The following CSNK1G2 variants were observed in gnomAD, a reference collection of about 807,000 sequenced individuals.
The protein encoded by CSNK1G2 is casein kinase I isoform gamma-2.
CSNK1G2 carries 11 observed loss-of-function variants against 48.0 expected under a neutral mutation model. The observed-to-expected ratio is 0.23, with a 90% CI of 0.14 to 0.38. The LOEUF is 0.38. Among genes scored for constraint, CSNK1G2 ranks in the 10% least tolerant of loss-of-function variants. The pLI is 1.00. For synonymous variants in CSNK1G2, 337 were observed against 254.1 expected (o/e 1.33, Z -3.10); for missense variants, 446 against 595.5 (o/e 0.75, Z 2.61).
Position 1,981,175 on chromosome 19 carries a change from CG to C in CSNK1G2, c.*975del, listed in dbSNP as rs1386959935. 1 of 152,280 alleles carries C rather than the reference CG, an allele frequency of 6.6e-6. No homozygotes were observed. Among genetic ancestry groups the C allele is most frequent in the Non-Finnish European group, 1.5e-5 (1 of 68,118 alleles). 9.4% of individuals were successfully genotyped at this position (152,280 alleles called of 1,614,324 possible). On this transcript the variant is annotated 3_prime_UTR_variant, in exon 12 of 12. Coordinates refer to ENST00000255641, the MANE Select transcript of CSNK1G2 (RefSeq NM_001319.7). ...CCCAGTGGGGTGCCCTGGAGGCTGC[CG>C]GGCAGAGTGGAGCAGCTTGGGGCCG...
At chr19:1,959,611 CCCAG>C (rs2015124623) in intron 1 of CSNK1G2, among the ~76,000 whole-genome samples, 1 of 123,344 alleles carries the variant, frequency 8.1e-6, no homozygotes, top group African/African-American at 3.5e-5. Flanking sequence ...CCCTGAGTCC[CCCAG>C]CACCCGTGCC....
chr19:1,962,077 C>A (rs1207301067), intron 1 of CSNK1G2, among the ~76,000 whole-genome samples: 1 of 152,212 alleles, frequency 6.6e-6, no homozygotes, highest in East Asian at 1.9e-4. Context: ...CGCCTGTAAT[C>A]CCAACACTTT....
chr19:1,979,929 G>T lies in CSNK1G2; in HGVS notation c.1105G>T (p.Gly369Trp). 1 of 1,605,894 alleles carries T rather than the reference G, an allele frequency of 6.2e-7. No individual in the cohort carries two copies. The highest frequency in any genetic ancestry group is 2.2e-5 in the East Asian group (1 of 44,730). ...CCACCAGGCGTTGAACTCCACCAAC[G>T]GGGAGCTGAATGCGGACGACCCCAC... is the stretch of plus-strand genomic sequence containing the variant. ...SKNQALNSTNGELNADDPTAG... is the reference protein window; with the variant it reads ...SKNQALNSTNWELNADDPTAG... Residue 369 changes from glycine (G) to tryptophan (W), a missense_variant, in exon 11 of 12, where the codon GGG becomes TGG. By Grantham distance (184) the Gly-to-Trp change is radical (BLOSUM62 -2). Around this residue, in one of 2 missense-constraint regions of CSNK1G2, gnomAD observed 188 missense variants for 179.6 expected, o/e 1.05. Coordinates refer to ENST00000255641, the MANE Select transcript of CSNK1G2 (RefSeq NM_001319.7).
intron 2 of CSNK1G2, among the ~76,000 whole-genome samples, chr19:1,976,514 G>T (rs1311679348): frequency 6.6e-6 from 1 of 152,252 alleles, no homozygotes; most frequent in Non-Finnish European, 1.5e-5. Flanking sequence ...CGATTCCTGT[G>T]CTGCAAGGCA....
rs1399088599 is a variant in CSNK1G2, at chr19:1,957,845, C to T, written c.-265-11663C>T. ...GTTTGTGGGGTGGGAGCTAGGCGGG[C>T]GCCGTTTATGTGGGGTGGGCGCTCG... On this transcript the variant is annotated intron_variant, in intron 1 of 11. Transcript: ENST00000255641. This position sits in a 1 kb window ranked among gnomAD's most constrained non-coding sequence, Gnocchi z 5.4. 6.6e-6 allele frequency among the ~76,000 whole-genome samples: 1 copy of T among 150,808 alleles called. No individual in the cohort carries two copies. Among genetic ancestry groups the T allele is most frequent in the African/African-American group, 2.4e-5 (1 of 40,958 alleles).
chr19:1,945,845 G>T (rs2014535630), intron 1 of CSNK1G2, among the ~76,000 whole-genome samples: 1 of 149,734 alleles, frequency 6.7e-6, no homozygotes, highest in Admixed American at 6.7e-5. Context: ...AAAAAAGCTG[G>T]TTCTCCCTTG....
chr19:1,961,435 C>T lies in CSNK1G2; in HGVS notation c.-265-8073C>T, dbSNP rs187365301. Among the ~76,000 whole-genome samples the T allele has an allele frequency of 1.1e-3, 165 of 152,346 alleles. 1 individual carries two copies. Among genetic ancestry groups the T allele is most frequent in the Non-Finnish European group, 1.6e-3 (110 of 68,016 alleles). On this transcript the variant is annotated intron_variant, in intron 1 of 11. Transcript: ENST00000255641. ...GTCTCCAGCCCATGCTGAGGAGCCT[C>T]GCAGGCAGGGCCCAGCAGCCTATAC...
Position 1,979,769 on chromosome 19 carries a change from C to A in CSNK1G2, c.1020C>A (p.Thr340=). Reference sequence around the variant, plus strand: ...ACCCACAGCCGACCCCCATCGGCACCGTCCACACCGACCTGCCCTCCCAGC... The same window carrying A: ...ACCCACAGCCGACCCCCATCGGCACAGTCCACACCGACCTGCCCTCCCAGC... The part of the protein sequence containing the change: ...AGKPLPTPIG[T]VHTDLPSQPQ... The change falls in exon 10 of 12, where the codon ACC becomes ACA. Residue 340 remains threonine (T), a synonymous_variant. Transcript: ENST00000255641. 6.2e-7 allele frequency: 1 copy of A among 1,606,464 alleles called. No individual in the cohort carries two copies. The highest frequency in any genetic ancestry group is 8.5e-7 in the Non-Finnish European group (1 of 1,179,078).
At position 1,976,711 on chromosome 19, in the gene CSNK1G2, G is replaced by A. The variant is rs956032341; in HGVS notation, c.188-1594G>A. Reference sequence around the variant, plus strand: ...CCTGCCAGTCCAGCTGCAGCAGGGCGGAACAAAGTGGAGGCCTCTTTCTTG... The same window carrying A: ...CCTGCCAGTCCAGCTGCAGCAGGGCAGAACAAAGTGGAGGCCTCTTTCTTG... On this transcript the variant is annotated intron_variant, in intron 2 of 11. Coordinates refer to ENST00000255641, the MANE Select transcript of CSNK1G2 (RefSeq NM_001319.7). Among the ~76,000 whole-genome samples, 11 of 151,676 alleles carry A rather than the reference G, an allele frequency of 7.3e-5. No homozygotes were observed. In the East Asian group the frequency reaches 7.8e-4, roughly 11 times the overall value.
chr19:1,958,442 C>G (rs557493610), intron 1 of CSNK1G2, among the ~76,000 whole-genome samples: 162 of 146,874 alleles, frequency 1.1e-3, no homozygotes, highest in Non-Finnish European at 1.8e-3. Flanking sequence ...AGGCACTGTC[C>G]CCTGTCCCCC....
At chr19:1,968,456 C>G (rs967148967) in intron 1 of CSNK1G2, among the ~76,000 whole-genome samples, 6 of 152,206 alleles carry the variant, frequency 3.9e-5, no homozygotes, top group African/African-American at 1.4e-4. Context: ...TCCATGCCAG[C>G]CGGGGCTGGC....
At chr19:1,972,309 C>T (rs1299211499) in intron 2 of CSNK1G2, among the ~76,000 whole-genome samples, 1 of 152,332 alleles carries the variant, frequency 6.6e-6, no homozygotes, top group East Asian at 1.9e-4. Flanking sequence ...GCACTGGGCT[C>T]CTCGAGCACT....
chr19:1,949,125 A>G (rs963289515), intron 1 of CSNK1G2, among the ~76,000 whole-genome samples: 1 of 152,090 alleles, frequency 6.6e-6, no homozygotes, highest in African/African-American at 2.4e-5. Context: ...TGGACCTGTC[A>G]GTTCAAACCT....
chr19:1,955,593 C>T (rs1017236151), intron 1 of CSNK1G2, among the ~76,000 whole-genome samples: 4 of 148,482 alleles, frequency 2.7e-5, no homozygotes, highest in Admixed American at 6.6e-5. Flanking sequence ...GGGGCTTCTC[C>T]GTCCATGTCA....
intron 1 of CSNK1G2, among the ~76,000 whole-genome samples, chr19:1,963,046 G>GGCTCAATGAGACACTCCAA (rs1436907221): frequency 1.3e-5 from 2 of 152,058 alleles, no homozygotes; most frequent in Non-Finnish European, 2.9e-5. Flanking sequence ...CAGGACGCCA[G>GGCTCAATGAGACACTCCAA]GCTCAATGAG....
In CSNK1G2 at chr19:1,979,517, C is replaced by G. The variant is rs550989112; in HGVS notation, c.876C>G (p.Arg292=). The change falls in exon 9 of 12, where the codon CGC becomes CGG. Residue 292 remains arginine, a synonymous_variant. Coordinates refer to ENST00000255641, the MANE Select transcript of CSNK1G2 (RefSeq NM_001319.7). ...CAGAGGAGATGGCCACGTACCTGCG[C>G]TATGTGCGGCGCCTGGACTTCTTCG... The part of the protein sequence containing the change: ...NFPEEMATYL[R]YVRRLDFFEK... 5 of 1,599,944 alleles carry G rather than the reference C, an allele frequency of 3.1e-6. No individual in the cohort carries two copies. In the South Asian group the frequency reaches 4.4e-5, roughly 14 times the overall value.
At chr19:1,962,837 C>T (rs79552755) in intron 1 of CSNK1G2, among the ~76,000 whole-genome samples, 11,562 of 152,116 alleles carry the variant, frequency 0.076, 1,479 homozygotes, top group African/African-American at 0.26. Context: ...CAGCTATGTA[C>T]CCAGGTGGAG....
chr19:1,964,186 T>C (rs1476197382), intron 1 of CSNK1G2, among the ~76,000 whole-genome samples: 1 of 151,538 alleles, frequency 6.6e-6, no homozygotes, highest in African/African-American at 2.4e-5. Flanking sequence ...CCAGCTACTC[T>C]GGAGGCTGAG....
At chr19:1,944,859 C>G (rs1325840309) in intron 1 of CSNK1G2, among the ~76,000 whole-genome samples, 1 of 152,184 alleles carries the variant, frequency 6.6e-6, no homozygotes, top group Non-Finnish European at 1.5e-5. Context: ...GTCTGGCGGG[C>G]GGGGCCCAGT....
Sources: allele counts gnomAD v4.1 joint callset (sites outside exome capture counted in the v4.1 genomes callset), GRCh38; gene constraint gnomAD v4.1.1; regional missense constraint gnomAD v4.1.1; non-coding constraint Gnocchi (gnomAD v3.1); transcripts MANE v1.5; gene names NCBI Gene and HGNC (gene_info 2026-07-23, HGNC 2026-07-21).